The following EYA2 variants were observed in gnomAD, a reference collection of about 807,000 sequenced individuals.
EYA2 encodes the protein EYA transcriptional coactivator and phosphatase 2, also known as protein phosphatase EYA2.
Under a neutral mutation model 69.2 loss-of-function variants are expected in EYA2, and 31 were observed. The observed-to-expected ratio is 0.45, with a 90% confidence interval of 0.34 to 0.60. The LOEUF (loss-of-function observed/expected upper bound fraction) is 0.60, where lower values mean the gene tolerates loss of function less well. Ranked by LOEUF, EYA2 falls within the 20% of genes least tolerant of loss-of-function variation. The pLI, the probability that EYA2 is intolerant of heterozygous loss-of-function variation, is 0.02. For missense variants in EYA2, 622 were observed against 701.2 expected, an observed-to-expected ratio of 0.89 and a Z score of 1.28; for synonymous variants, 257 against 279.4, an observed-to-expected ratio of 0.92 and a Z score of 0.80.
chr20:46,999,749 C>T (rs553896448), intron 2 of EYA2, among the ~76,000 whole-genome samples: 7 of 152,324 alleles, frequency 4.6e-5, no homozygotes, highest in East Asian at 1.9e-4. Context: ...AGAGTGTTGA[C>T]CTTGGACTCA....
rs372005266 is a variant in EYA2 at position 47,180,878 on chromosome 20, G to C, written c.1377G>C (p.Leu459=). The C allele has an allele frequency of 6.2e-7, 1 of 1,614,106 alleles. No individual in the cohort carries two copies. Among genetic ancestry groups the C allele is most frequent in the African/African-American group, 1.3e-5 (1 of 74,932 alleles). The change falls in exon 14 of 16, where the codon CTG becomes CTC. Residue 459 remains leucine (L), a synonymous_variant. Transcript: ENST00000327619. The part of the protein sequence containing the change: ...TQLIPALAKV[L]LYGLGSVFPI... ...TAATTCCTGCCCTGGCCAAAGTCCT[G>C]CTATATGGCCTGGGGTCTGTGTTTC...
intron 9 of EYA2, among the ~76,000 whole-genome samples, chr20:47,135,818 C>CAAAAAAAAAAAAAAAAAAAAAA (rs1201324879): frequency 2.4e-4 from 8 of 33,184 alleles, no homozygotes; most frequent in East Asian, 9.9e-4. Flanking sequence ...CCTGTCTCTA[C>CAAAAAAAAAAAAAAAAAAAAAA]AAAAAAAAAA....
chr20:47,145,257 G>A (rs1000730119), intron 10 of EYA2, among the ~76,000 whole-genome samples: 3 of 152,140 alleles, frequency 2.0e-5, no homozygotes, highest in African/African-American at 7.2e-5. Flanking sequence ...CCGGTCCAGG[G>A]AAGGCCTCTT....
intron 4 of EYA2, among the ~76,000 whole-genome samples, chr20:47,013,979 C>A (rs1568724233): frequency 1.3e-5 from 2 of 152,154 alleles, no homozygotes; most frequent in Admixed American, 6.5e-5. Flanking sequence ...AATTGCTAGA[C>A]CCCAGTCCAA....
At chr20:46,971,980 C>CAGTATATTTTA (rs1980173153) in intron 1 of EYA2, among the ~76,000 whole-genome samples, 1 of 151,972 alleles carries the variant, frequency 6.6e-6, no homozygotes, top group Non-Finnish European at 1.5e-5. Context: ...GAGAAATATG[C>CAGTATATTTTA]AGTATATTTT....
At chr20:47,150,187 A>G (rs2033795519) in intron 10 of EYA2, among the ~76,000 whole-genome samples, 1 of 152,090 alleles carries the variant, frequency 6.6e-6, no homozygotes, top group African/African-American at 2.4e-5. Flanking sequence ...GCCTCACCTG[A>G]GTTTCTGCTG....
At chr20:46,905,318 G>A (rs1193455225) in intron 1 of EYA2, among the ~76,000 whole-genome samples, 2 of 152,206 alleles carry the variant, frequency 1.3e-5, no homozygotes, top group Non-Finnish European at 2.9e-5. Context: ...GCATGGGCCT[G>A]TTGTACCACA....
At chr20:46,910,304 G>T (rs771568565) in intron 1 of EYA2, among the ~76,000 whole-genome samples, 12 of 152,092 alleles carry the variant, frequency 7.9e-5, no homozygotes, top group Non-Finnish European at 1.5e-4. Context: ...GGCGGGAGGT[G>T]CCACACTGTT....
Position 47,037,407 on chromosome 20 carries a change from G to C in EYA2, c.415+21110G>C, listed in dbSNP as rs4810593. On this transcript the variant is annotated intron_variant, in intron 5 of 15. Transcript: ENST00000327619. ...AGACATGGCGCAAAAGAAGCACTCC[G>C]TGTTCATTGGCATTATTACGTGTTG... is the stretch of plus-strand genomic sequence containing the variant. Among the ~76,000 whole-genome samples, 552 of 151,756 alleles carry C rather than the reference G, an allele frequency of 3.6e-3. 10 individuals carry two copies. Among genetic ancestry groups the C allele is most frequent in the East Asian group, 0.022 (113 of 5,146 alleles).
At chr20:47,087,648 T>C (rs2031938305) in intron 7 of EYA2, among the ~76,000 whole-genome samples, 1 of 152,222 alleles carries the variant, frequency 6.6e-6, no homozygotes, top group South Asian at 2.1e-4. Context: ...GGGACAGTGC[T>C]GCTTCACTTG....
At chr20:47,175,202 C>G (rs2034402715) in intron 12 of EYA2, among the ~76,000 whole-genome samples, 1 of 152,232 alleles carries the variant, frequency 6.6e-6, no homozygotes. Flanking sequence ...CAGAACTAGC[C>G]AGGTGCATGG....
intron 5 of EYA2, among the ~76,000 whole-genome samples, chr20:47,018,888 A>G (rs201306736): frequency 4.6e-5 from 7 of 152,310 alleles, no homozygotes; most frequent in East Asian, 3.9e-4. Flanking sequence ...CACTTCCTCT[A>G]AATGATGAGA....
intron 1 of EYA2, among the ~76,000 whole-genome samples, chr20:46,912,067 A>C (rs567678844): frequency 3.3e-5 from 5 of 152,312 alleles, no homozygotes; most frequent in Admixed American, 3.3e-4. Flanking sequence ...TACAATTGTT[A>C]TGTATCAATA....
intron 7 of EYA2, among the ~76,000 whole-genome samples, chr20:47,081,110 G>A (rs2031696229): frequency 6.6e-6 from 1 of 152,084 alleles, no homozygotes. Flanking sequence ...CAGCCACATG[G>A]AACTGAGTTC....
rs756009411 is a variant in EYA2 at position 46,966,611 on chromosome 20, G to A, written c.-10-23390G>A. ...ATCACGAGGTCAGGACATCGAGACC[G>A]TCCTGGCTAACACGGTGAAACCCTG... is the stretch of plus-strand genomic sequence containing the variant. On this transcript the variant is annotated intron_variant, in intron 1 of 15. Coordinates refer to ENST00000327619, the MANE Select transcript of EYA2 (RefSeq NM_005244.5). Among the ~76,000 whole-genome samples, 11 of 152,226 alleles carry A rather than the reference G, an allele frequency of 7.2e-5. No individual in the cohort carries two copies. The South Asian group carries it at 8.3e-4, about 11-fold the overall frequency.
chr20:46,924,320 C>G (rs1389147815), intron 1 of EYA2, among the ~76,000 whole-genome samples: 2 of 152,216 alleles, frequency 1.3e-5, no homozygotes, highest in African/African-American at 4.8e-5. Flanking sequence ...ATGTTTGGGT[C>G]AAGGTGACAC....
At chr20:46,922,226 A>G (rs1985209926) in intron 1 of EYA2, among the ~76,000 whole-genome samples, 1 of 152,198 alleles carries the variant, frequency 6.6e-6, no homozygotes, top group Non-Finnish European at 1.5e-5. Context: ...GATTTAATGA[A>G]CAACCCAAGC....
intron 1 of EYA2, among the ~76,000 whole-genome samples, chr20:46,912,786 C>T (rs1006439652): frequency 1.1e-4 from 16 of 151,066 alleles, no homozygotes; most frequent in African/African-American, 1.9e-4. Context: ...CTGCAAGCTC[C>T]GCTTCCCGGG....
intron 5 of EYA2, among the ~76,000 whole-genome samples, chr20:47,045,525 G>T (rs2029985051): frequency 6.6e-6 from 1 of 152,194 alleles, no homozygotes; most frequent in Admixed American, 6.5e-5. Flanking sequence ...ATATTTGAAG[G>T]TCAGCCTACC....
Sources: allele counts gnomAD v4.1 joint callset (sites outside exome capture counted in the v4.1 genomes callset), GRCh38; gene constraint gnomAD v4.1.1; transcripts MANE v1.5; gene names NCBI Gene and HGNC (gene_info 2026-07-23, HGNC 2026-07-21).